The following MRAP2 variants were observed in gnomAD, a reference collection of about 807,000 sequenced individuals.
The protein encoded by MRAP2 is melanocortin 2 receptor accessory protein 2.
MRAP2 carries 20 observed loss-of-function variants against 17.4 expected under a neutral mutation model. The ratio of observed to expected loss-of-function variants is 1.15; its 90% CI spans 0.81 to 1.67. The LOEUF is 1.67. MRAP2 is among the 40% of genes most tolerant of loss of function. MRAP2 has a pLI of 0.00. For synonymous variants in MRAP2, 96 were observed against 88.4 expected (o/e 1.09, Z -0.48); for missense variants, 238 against 240.0 (o/e 0.99, Z 0.05).
intron 3 of MRAP2, among the ~76,000 whole-genome samples, chr6:84,069,655 G>A (rs1386592334): frequency 6.6e-6 from 1 of 152,130 alleles, no homozygotes; most frequent in Non-Finnish European, 1.5e-5. Flanking sequence ...GTGGAATAGT[G>A]TCAAAAGGAT....
intron 1 of MRAP2, among the ~76,000 whole-genome samples, chr6:84,051,433 T>C (rs1036879756): frequency 6.6e-6 from 1 of 152,212 alleles, no homozygotes; most frequent in Non-Finnish European, 1.5e-5. Context: ...GGCATGTGCC[T>C]GGAGTCCCAG....
the MRAP2 span, among the ~76,000 whole-genome samples, chr6:84,114,896 C>A: frequency 6.6e-6 from 1 of 152,146 alleles, no homozygotes; most frequent in African/African-American, 2.4e-5. Context: ...TGGGTATCAC[C>A]AGCAGAAGCT....
At chr6:84,098,497 G>A in the MRAP2 span, among the ~76,000 whole-genome samples, 1 of 152,140 alleles carries the variant, frequency 6.6e-6, no homozygotes, top group African/African-American at 2.4e-5. Flanking sequence ...GAAGAGGAAT[G>A]TCTGGGTCAT....
At chr6:84,143,782 C>T in the MRAP2 span, among the ~76,000 whole-genome samples, 1 of 151,934 alleles carries the variant, frequency 6.6e-6, no homozygotes, top group Non-Finnish European at 1.5e-5. Flanking sequence ...AACAACAAAG[C>T]TTTCTTGGAG....
chr6:84,125,365 T>G, the MRAP2 span: 2 of 1,119,550 alleles, frequency 1.8e-6, no homozygotes, highest in South Asian at 2.6e-5. Flanking sequence ...AAACCTGGGG[T>G]TTCTTTGGGG....
chr6:84,141,799 C>T, the MRAP2 span, among the ~76,000 whole-genome samples: 1 of 152,168 alleles, frequency 6.6e-6, no homozygotes, highest in Non-Finnish European at 1.5e-5. Context: ...AGAGCTCCAT[C>T]ATCAACTCCT....
chr6:84,077,501 A>G (rs1234382911), intron 3 of MRAP2, among the ~76,000 whole-genome samples: 3 of 152,182 alleles, frequency 2.0e-5, no homozygotes. Flanking sequence ...CTATGGTTAT[A>G]TGATTTTCTA....
chr6:84,085,148 A>G (rs192021810), intron 3 of MRAP2, among the ~76,000 whole-genome samples: 20,627 of 151,088 alleles, frequency 0.14, 1,433 homozygotes, highest in Middle Eastern at 0.23. Context: ...TCCACCTCCC[A>G]GGTTCACGCC....
At chr6:84,096,655 G>A in the MRAP2 span, among the ~76,000 whole-genome samples, 1 of 152,192 alleles carries the variant, frequency 6.6e-6, no homozygotes, top group African/African-American at 2.4e-5. Flanking sequence ...AATGATGGAA[G>A]CAGTTAGAGC....
At chr6:84,127,484 GA>G in the MRAP2 span, among the ~76,000 whole-genome samples, 1 of 152,110 alleles carries the variant, frequency 6.6e-6, no homozygotes, top group African/African-American at 2.4e-5. Flanking sequence ...ATGGTTTGCA[GA>G]GAGCTCAGGG....
chr6:84,063,222 G>A, intron 3 of MRAP2: 1 of 985,232 alleles, frequency 1.0e-6, no homozygotes, highest in Non-Finnish European at 1.2e-6. Context: ...TGGGTTTCTT[G>A]GTCCTTTCCT....
the MRAP2 span, among the ~76,000 whole-genome samples, chr6:84,114,121 C>T: frequency 6.6e-6 from 1 of 151,962 alleles, no homozygotes; most frequent in Non-Finnish European, 1.5e-5. Context: ...TTGAATGTTG[C>T]CCTGTCTTGC....
the MRAP2 span, among the ~76,000 whole-genome samples, chr6:84,105,411 A>AAG: frequency 6.6e-6 from 1 of 152,084 alleles, no homozygotes; most frequent in African/African-American, 2.4e-5. Flanking sequence ...ACAGCAGGCA[A>AAG]AGAGAGAGAG....
At chr6:84,060,220 T>C (rs2480191) in intron 2 of MRAP2, among the ~76,000 whole-genome samples, 51,917 of 152,116 alleles carry the variant, frequency 0.34, 10,933 homozygotes, top group African/African-American at 0.61. Context: ...TTCTCAGATT[T>C]TACCCACAGC....
chr6:84,111,945 G>T, the MRAP2 span, among the ~76,000 whole-genome samples: 1 of 152,176 alleles, frequency 6.6e-6, no homozygotes, highest in South Asian at 2.1e-4. Flanking sequence ...TGCATCCCAG[G>T]GATGAAGCCA....
At chr6:84,063,249 T>A (rs987880047) in intron 3 of MRAP2, 4 of 985,290 alleles carry the variant, frequency 4.1e-6, no homozygotes, top group Non-Finnish European at 4.8e-6. Flanking sequence ...TTAATGATGA[T>A]GTGGGCCTGA....
intron 3 of MRAP2, among the ~76,000 whole-genome samples, chr6:84,069,534 C>T (rs940577806): frequency 6.6e-5 from 10 of 152,126 alleles, no homozygotes; most frequent in Middle Eastern, 3.4e-3. Context: ...TGTTCATCAA[C>T]GATATCGGTC....
At chr6:84,065,012 C>T (rs769475599) in intron 3 of MRAP2, among the ~76,000 whole-genome samples, 2 of 152,156 alleles carry the variant, frequency 1.3e-5, no homozygotes, top group African/African-American at 4.8e-5. Context: ...CAGCCAGGCA[C>T]GGTGGCTCAT....
the MRAP2 span, among the ~76,000 whole-genome samples, chr6:84,121,787 G>C: frequency 6.6e-6 from 1 of 151,998 alleles, no homozygotes; most frequent in Non-Finnish European, 1.5e-5. Flanking sequence ...CAAAACCTTT[G>C]GGATACAGCA....
Sources: gnomAD v4.1 joint callset for allele counts (sites outside exome capture counted in the v4.1 genomes callset) on GRCh38, gnomAD v4.1.1 for gene constraint, MANE v1.5 for transcripts, NCBI Gene and HGNC (gene_info 2026-07-23, HGNC 2026-07-21) for gene names.